The following LGMN variants were observed in gnomAD, a reference collection of about 807,000 sequenced individuals.
LGMN encodes legumain, also known as asparaginyl endopeptidase.
LGMN carries 36 observed loss-of-function variants against 56.8 expected under a neutral mutation model. The observed-to-expected ratio is 0.63, with a 90% confidence interval of 0.49 to 0.84. The LOEUF (loss-of-function observed/expected upper bound fraction) is 0.84. Ranked by LOEUF, LGMN falls within the 40% of genes least tolerant of loss-of-function variation. LGMN has a pLI of 0.00. For synonymous variants in LGMN, 199 were observed against 210.1 expected (o/e 0.95, Z 0.46); for missense variants, 446 against 556.1 (o/e 0.80, Z 1.99).
Position 92,704,295 on chromosome 14 carries a change from G to A in LGMN, c.*24C>T. ...ACAGTCGGTGGGGCGCTCACACTTG[G>A]AAAAGCTTCCAGGAGGCAGCTCTTC... On this transcript the variant is annotated 3_prime_UTR_variant, in exon 14 of 14. Coordinates refer to ENST00000334869, the MANE Select transcript of LGMN (RefSeq NM_005606.7). 2.5e-6 allele frequency: 4 copies of A among 1,614,076 alleles called. No individual in the cohort carries two copies. The highest frequency in any genetic ancestry group is 3.4e-6 in the Non-Finnish European group (4 of 1,179,984).
chr14:92,744,594 G>GTTTTTT (rs1157955787), intron 1 of LGMN, among the ~76,000 whole-genome samples: 1 of 128,232 alleles, frequency 7.8e-6, no homozygotes, highest in Non-Finnish European at 1.7e-5. Context: ...TTATCCTTTA[G>GTTTTTT]TTTTTTTTTT....
Position 92,720,997 on chromosome 14 carries a change from C to T in LGMN, c.139-2153G>A, listed in dbSNP as rs1415932823. On this transcript the variant is annotated intron_variant, in intron 2 of 13. Coordinates refer to ENST00000334869, the MANE Select transcript of LGMN (RefSeq NM_005606.7). ...CCTCGACTTCCTGGGCTCAAGTGAT[C>T]CTCCCACCTCAGCCTCCCAGGTAGC... 4.6e-5 allele frequency among the ~76,000 whole-genome samples: 7 copies of T among 151,792 alleles called. No individual in the cohort carries two copies. The East Asian group carries it at 1.4e-3, about 29-fold the overall frequency.
chr14:92,707,879 C>G (rs777651328), intron 11 of LGMN, among the ~76,000 whole-genome samples: 1 of 152,120 alleles, frequency 6.6e-6, no homozygotes, highest in Non-Finnish European at 1.5e-5. Context: ...GAGCCAGGTG[C>G]GGTGCCTCAC....
At position 92,706,553 on chromosome 14, in the gene LGMN, G is replaced by A. The variant is rs200336740; in HGVS notation, c.1121C>T (p.Thr374Met). 2.6e-5 allele frequency: 42 copies of A among 1,601,720 alleles called. No individual in the cohort carries two copies. The highest frequency in any genetic ancestry group is 1.2e-4 in the Admixed American group (7 of 59,820). Reference protein sequence around the residue: ...EQLLSERAPLTGHSCYPEALL... With the variant: ...EQLLSERAPLMGHSCYPEALL... ...GGCCTCTGGGTAGCAGCTGTGCCCC[G>A]TGAGCGGGGCTCTCTCGGACAGGAG... Residue 374 changes from threonine (T) to methionine (M), a missense_variant, in exon 12 of 14, where the codon ACG (threonine) becomes ATG (methionine). By Grantham distance (81) the Thr-to-Met change is moderately conservative. Transcript: ENST00000334869.
rs75365261 is a variant in LGMN, at chr14:92,711,572, T to C, written c.819+87A>G. 2.9e-5 allele frequency: 34 copies of C among 1,191,522 alleles called. No individual in the cohort carries two copies. The African/African-American group carries it at 4.3e-4, about 15-fold the overall frequency. The allele number at this position is 1,191,522 out of a possible 1,614,324, so 73.8% of individuals were successfully genotyped here. A position where few individuals can be genotyped will look rare whatever the true frequency, so the allele number is the denominator to read the frequency against. Reference sequence around the variant, plus strand: ...TCAAGCATTCCTCACTCAGATCCCATGTCTCTTTAGCAAGAGATCAATATT... The same window carrying C: ...TCAAGCATTCCTCACTCAGATCCCACGTCTCTTTAGCAAGAGATCAATATT... On this transcript the variant is annotated intron_variant, in intron 10 of 13. Coordinates refer to ENST00000334869, the MANE Select transcript of LGMN (RefSeq NM_005606.7).
chr14:92,729,479 C>G (rs921386753), intron 2 of LGMN, among the ~76,000 whole-genome samples: 34 of 105,250 alleles, frequency 3.2e-4, no homozygotes, highest in African/African-American at 1.0e-3. Flanking sequence ...CCCCCCCCCC[C>G]GCCCCCGTTA....
intron 2 of LGMN, among the ~76,000 whole-genome samples, chr14:92,719,155 ACTG>A (rs1325743863): frequency 0.011 from 896 of 77,976 alleles, 34 homozygotes; most frequent in African/African-American, 0.056. Flanking sequence ...CACCACCGCC[ACTG>A]CCACCACCAC....
rs1244672487 is a variant in LGMN, at chr14:92,716,323, G to A, written c.319-102C>T. The A allele has an allele frequency of 6.0e-6, 5 of 840,228 alleles. No individual in the cohort carries two copies. The African/African-American group carries it at 8.3e-5, about 14-fold the overall frequency. 52.0% of individuals were successfully genotyped at this position (840,228 alleles called of 1,614,324 possible). ...CATGCCACCAGCCTGCACATTCCAA[G>A]GCTCATGGCTTAACAGCAAACACTT... is the stretch of plus-strand genomic sequence containing the variant. On this transcript the variant is annotated intron_variant, in intron 4 of 13. Transcript: ENST00000334869.
At chr14:92,711,511 G>C in intron 10 of LGMN, 148 bp downstream of exon 10, 2 of 754,116 alleles carry the variant, frequency 2.7e-6, no homozygotes, top group Non-Finnish European at 4.7e-6. Flanking sequence ...CAGGTCCCCA[G>C]GATGGAGTGG....
chr14:92,737,964 G>A (rs1891378850), intron 1 of LGMN, among the ~76,000 whole-genome samples: 1 of 152,186 alleles, frequency 6.6e-6, no homozygotes, highest in Non-Finnish European at 1.5e-5. Flanking sequence ...TCCCTAGTTT[G>A]CACACCTGTT....
chr14:92,726,072 A>T (rs1890725179), intron 2 of LGMN, among the ~76,000 whole-genome samples: 1 of 151,326 alleles, frequency 6.6e-6, no homozygotes, highest in Admixed American at 6.6e-5. Context: ...CCCTGTCTCT[A>T]CTAAAAATAC....
chr14:92,715,234 T>TG (rs59574513), intron 5 of LGMN, among the ~76,000 whole-genome samples: 2 of 151,318 alleles, frequency 1.3e-5, no homozygotes, highest in Non-Finnish European at 2.9e-5. Context: ...TGTGTGTGTG[T>TG]TTGAGACAGA....
rs796943853 is a variant in LGMN at position 92,745,367 on chromosome 14, T to C, written c.-30+3122A>G. Among the ~76,000 whole-genome samples, 90 of 152,178 alleles carry C rather than the reference T, an allele frequency of 5.9e-4. 1 individual carries two copies. The highest frequency in any genetic ancestry group is 2.1e-3 in the African/African-American group (87 of 41,446). On this transcript the variant is annotated intron_variant, in intron 1 of 13. Coordinates refer to ENST00000334869, the MANE Select transcript of LGMN (RefSeq NM_005606.7). ...TTACTTTAACTTTTACTTCAAGAAA[T>C]TGAAGGGTGGACATTAACCTATAGA...
intron 10 of LGMN, 107 bp from the exon 11 acceptor site, chr14:92,709,979 G>GC: frequency 1.2e-6 from 1 of 861,450 alleles, no homozygotes; most frequent in Non-Finnish European, 1.8e-6. Flanking sequence ...AGGAGCAGAG[G>GC]TGCCCAACAT....
chr14:92,728,473 T>C lies in LGMN; in HGVS notation c.138+4176A>G, dbSNP rs1890855614. 2.6e-5 allele frequency among the ~76,000 whole-genome samples: 4 copies of C among 152,286 alleles called. No homozygotes were observed. In the South Asian group the frequency reaches 8.3e-4, roughly 32 times the overall value. On this transcript the variant is annotated intron_variant, in intron 2 of 13. Transcript: ENST00000334869. Reference sequence around the variant, plus strand: ...ACAAATGGAACACAATGGCAAGTATTTGTGTATCTAAACATAGGAAAAGTA... The same window carrying C: ...ACAAATGGAACACAATGGCAAGTATCTGTGTATCTAAACATAGGAAAAGTA...
At chr14:92,722,897 C>T (rs1890551560) in intron 2 of LGMN, among the ~76,000 whole-genome samples, 1 of 152,214 alleles carries the variant, frequency 6.6e-6, no homozygotes, top group Admixed American at 6.5e-5. Flanking sequence ...TGAGCTGCCA[C>T]TTCACAGACA....
chr14:92,704,702 C>T lies in LGMN; in HGVS notation c.1197G>A (p.Glu399=). Residue 399 remains glutamate, a synonymous_variant, in exon 13 of 14, where the codon GAG becomes GAA. Coordinates refer to ENST00000334869, the MANE Select transcript of LGMN (RefSeq NM_005606.7). ...GCACGTACAAATGTCTCAACGCATA[C>T]TCGTACTGGGAGAAAACAAACGAGA... The part of the protein sequence containing the change: ...HCFNWHSPTY[E]YALRHLYVLV... 1.2e-6 allele frequency: 2 copies of T among 1,612,904 alleles called. No individual in the cohort carries two copies. The highest frequency in any genetic ancestry group is 1.7e-6 in the Non-Finnish European group (2 of 1,178,832).
intron 1 of LGMN, among the ~76,000 whole-genome samples, chr14:92,748,266 C>G (rs1891904179): frequency 6.6e-6 from 1 of 152,082 alleles, no homozygotes; most frequent in Non-Finnish European, 1.5e-5. Context: ...AACGAGAAAC[C>G]TCCACCCCCA....
At chr14:92,727,029 C>G (rs1890775540) in intron 2 of LGMN, among the ~76,000 whole-genome samples, 1 of 152,142 alleles carries the variant, frequency 6.6e-6, no homozygotes, top group Non-Finnish European at 1.5e-5. Flanking sequence ...TCTTTTTCTT[C>G]TTTGAGATTT....
Sources: gnomAD v4.1 joint callset for allele counts (sites outside exome capture counted in the v4.1 genomes callset) on GRCh38, gnomAD v4.1.1 for gene constraint, MANE v1.5 for transcripts, NCBI Gene and HGNC (gene_info 2026-07-23, HGNC 2026-07-21) for gene names.